The following VCPIP1 variants were observed in gnomAD, a reference collection of about 807,000 sequenced individuals.
The protein encoded by VCPIP1 is deubiquitinating protein VCPIP1.
VCPIP1 carries 8 observed loss-of-function variants against 85.0 expected under a neutral mutation model. That is an observed-to-expected ratio of 0.09 (90% confidence interval 0.06 to 0.17). The LOEUF (loss-of-function observed/expected upper bound fraction) is 0.17. Among genes scored for constraint, VCPIP1 ranks in the 10% least tolerant of loss-of-function variants. The pLI, the probability that VCPIP1 is intolerant of heterozygous loss-of-function variation, is 1.00. For synonymous variants in VCPIP1, 543 were observed against 544.5 expected (o/e 1.00, Z 0.04); for missense variants, 1,070 against 1,486.3 (o/e 0.72, Z 4.61).
intron 1 of VCPIP1, among the ~76,000 whole-genome samples, chr8:66,656,856 C>A (rs114686936): frequency 0.019 from 2,805 of 147,558 alleles, 104 homozygotes; most frequent in African/African-American, 0.071. Context: ...GCGATCCGCC[C>A]CCTCGGCCTA....
rs1412228365 is a variant in VCPIP1, at chr8:66,631,174, G to A, written c.*3327C>T. 2 of 152,074 alleles carry A rather than the reference G, an allele frequency of 1.3e-5. No individual in the cohort carries two copies. The highest frequency in any genetic ancestry group is 4.8e-5 in the African/African-American group (2 of 41,424). 9.4% of individuals were successfully genotyped at this position (152,074 alleles called of 1,614,324 possible). A position where few individuals can be genotyped will look rare whatever the true frequency, so the allele number is the denominator to read the frequency against. On this transcript the variant is annotated 3_prime_UTR_variant, in exon 3 of 3. Coordinates refer to ENST00000310421, the MANE Select transcript of VCPIP1 (RefSeq NM_025054.5). ...TTGAGAACCATAAAACTCAAAATCT[G>A]TGTAGTATTTTAAGTATGAACCAAT...
chr8:66,656,712 C>T (rs1029472149), intron 1 of VCPIP1, among the ~76,000 whole-genome samples: 2 of 152,050 alleles, frequency 1.3e-5, no homozygotes, highest in Admixed American at 1.3e-4. Context: ...CAGGTTCCAG[C>T]AATTCTCCTG....
chr8:66,640,492 G>C (rs1810935861), intron 2 of VCPIP1, among the ~76,000 whole-genome samples: 2 of 152,212 alleles, frequency 1.3e-5, no homozygotes, highest in South Asian at 2.1e-4. Context: ...AAGGTCCCTA[G>C]TGGAGGCCCA....
intron 1 of VCPIP1, among the ~76,000 whole-genome samples, chr8:66,657,156 C>G (rs186487208): frequency 6.6e-6 from 1 of 152,108 alleles, no homozygotes; most frequent in Non-Finnish European, 1.5e-5. Context: ...TTGTCCATCT[C>G]GGCCTCCCAA....
chr8:66,659,762 C>T (rs1369897671), intron 1 of VCPIP1, among the ~76,000 whole-genome samples: 3 of 152,014 alleles, frequency 2.0e-5, no homozygotes, highest in South Asian at 4.2e-4. Flanking sequence ...GAAACCCCAT[C>T]TCTACTAAAA....
intron 2 of VCPIP1, among the ~76,000 whole-genome samples, chr8:66,647,407 A>C (rs1811008068): frequency 6.6e-6 from 1 of 151,766 alleles, no homozygotes. Flanking sequence ...ATTTATATGG[A>C]TAAACAAAGG....
At chr8:66,656,447 C>T (rs1429881438) in intron 1 of VCPIP1, among the ~76,000 whole-genome samples, 1 of 152,166 alleles carries the variant, frequency 6.6e-6, no homozygotes, top group Non-Finnish European at 1.5e-5. Flanking sequence ...CCTGCCTTGG[C>T]CTCCCAAAGT....
intron 2 of VCPIP1, among the ~76,000 whole-genome samples, chr8:66,644,964 T>A (rs1433157058): frequency 2.0e-5 from 3 of 151,128 alleles, no homozygotes; most frequent in Non-Finnish European, 4.4e-5. Flanking sequence ...CTGGGTGTGG[T>A]GGCCCACATC....
At chr8:66,655,844 ATAC>A (rs1811094869) in intron 1 of VCPIP1, among the ~76,000 whole-genome samples, 1 of 152,108 alleles carries the variant, frequency 6.6e-6, no homozygotes, top group African/African-American at 2.4e-5. Context: ...CTGTTTCTTC[ATAC>A]TACAAAAGTA....
intron 1 of VCPIP1, among the ~76,000 whole-genome samples, chr8:66,653,907 C>G (rs1004591251): frequency 6.6e-5 from 10 of 152,084 alleles, no homozygotes; most frequent in African/African-American, 2.4e-4. Context: ...CTTCCTCCTC[C>G]AAGAACAAAT....
chr8:66,641,898 C>T (rs75976377), intron 2 of VCPIP1, among the ~76,000 whole-genome samples: 4,003 of 152,238 alleles, frequency 0.026, 188 homozygotes, highest in African/African-American at 0.09. Flanking sequence ...CACCTATGAA[C>T]ATTTGTGTAC....
rs1282563973 is a variant in VCPIP1 at position 66,664,377 on chromosome 8, G to C, written c.2582C>G (p.Ala861Gly). ...LKSKAEGGQS[A>G]AAHSAHTVKQ... The stretch of plus-strand genomic sequence containing the variant: ...CACAGTGTGGGCTGAGTGTGCTGCA[G>C]CAGACTGACCACCTTCAGCTTTACT... Residue 861 changes from alanine (A) to glycine (G), a missense_variant, in exon 1 of 3, where the codon GCT (alanine) becomes GGT (glycine). Ala to Gly is a moderately conservative substitution (Grantham distance 60). Around this residue, in one of 8 missense-constraint regions of VCPIP1, gnomAD observed 278 missense variants for 298.5 expected, o/e 0.93. Transcript: ENST00000310421. The C allele has an allele frequency of 6.2e-7, 1 of 1,613,854 alleles. No individual in the cohort carries two copies. Among genetic ancestry groups the C allele is most frequent in the South Asian group, 1.1e-5 (1 of 91,086 alleles).
At chr8:66,652,914 T>C (rs1811067270) in intron 1 of VCPIP1, among the ~76,000 whole-genome samples, 1 of 152,208 alleles carries the variant, frequency 6.6e-6, no homozygotes, top group South Asian at 2.1e-4. Flanking sequence ...AAATTAACTT[T>C]TGTCTTCCCT....
intron 2 of VCPIP1, among the ~76,000 whole-genome samples, chr8:66,647,320 AAC>A (rs1811006888): frequency 6.6e-6 from 1 of 152,088 alleles, no homozygotes; most frequent in Non-Finnish European, 1.5e-5. Flanking sequence ...CAGCCTGGGC[AAC>A]AGAGTAAGAC....
At chr8:66,658,925 A>C (rs760137697) in intron 1 of VCPIP1, among the ~76,000 whole-genome samples, 27 of 152,212 alleles carry the variant, frequency 1.8e-4, no homozygotes, top group Non-Finnish European at 1.0e-4. Context: ...AAATGAAACA[A>C]GTTTCTCAAC....
At chr8:66,649,419 G>C (rs1478790496) in intron 2 of VCPIP1, among the ~76,000 whole-genome samples, 2 of 152,010 alleles carry the variant, frequency 1.3e-5, no homozygotes, top group Non-Finnish European at 2.9e-5. Flanking sequence ...GGCTGAGCTG[G>C]GAGGATCACC....
Position 66,635,055 on chromosome 8 carries a change from G to A in VCPIP1, c.3115C>T (p.Pro1039Ser), listed in dbSNP as rs1329090003. ...GHSLGTASGNPHLDPRARETS... is the reference protein window; with the variant it reads ...GHSLGTASGNSHLDPRARETS... ...TCCCTAGCTCTTGGATCAAGGTGTG[G>A]GTTACCAGATGCAGTTCCTAAAGAA... The change falls in exon 3 of 3, where the codon CCA (proline) becomes TCA (serine). Residue 1039 changes from proline (P) to serine (S), a missense_variant. Around this residue, in one of 8 missense-constraint regions of VCPIP1, gnomAD observed 255 missense variants for 289.5 expected, o/e 0.88. Coordinates refer to ENST00000310421, the MANE Select transcript of VCPIP1 (RefSeq NM_025054.5). 2 of 1,614,050 alleles carry A rather than the reference G, an allele frequency of 1.2e-6. No homozygotes were observed. Among genetic ancestry groups the A allele is most frequent in the Admixed American group, 3.3e-5 (2 of 60,008 alleles).
chr8:66,634,403 C>T lies in VCPIP1; in HGVS notation c.*98G>A, dbSNP rs1447789683. 65 of 1,341,148 alleles carry T rather than the reference C, an allele frequency of 4.8e-5. No homozygotes were observed. Among genetic ancestry groups the T allele is most frequent in the Non-Finnish European group, 6.3e-5 (62 of 984,460 alleles). 83.1% of individuals were successfully genotyped at this position (1,341,148 alleles called of 1,614,324 possible). On this transcript the variant is annotated 3_prime_UTR_variant, in exon 3 of 3. Coordinates refer to ENST00000310421, the MANE Select transcript of VCPIP1 (RefSeq NM_025054.5). The stretch of plus-strand genomic sequence containing the variant: ...CAAGATATAATCTTTGAATTATATA[C>T]GTACAAGATTTTTAATGACTAATCA...
At chr8:66,655,159 A>G (rs1383480015) in intron 1 of VCPIP1, among the ~76,000 whole-genome samples, 2 of 152,086 alleles carry the variant, frequency 1.3e-5, no homozygotes, top group African/African-American at 4.8e-5. Flanking sequence ...TTTCTGTTTT[A>G]CCTTCTAGAC....
Sources: allele counts gnomAD v4.1 joint callset (sites outside exome capture counted in the v4.1 genomes callset), GRCh38; gene constraint gnomAD v4.1.1; regional missense constraint gnomAD v4.1.1; transcripts MANE v1.5; gene names NCBI Gene and HGNC (gene_info 2026-07-23, HGNC 2026-07-21).